Variants in HYKK observed in about 807,000 individuals in gnomAD.
The protein encoded by HYKK is 5-hydroxy-L-lysine kinase.
In HYKK, 19 loss-of-function variants were observed where a neutral mutation model predicts 29.7. That is an observed-to-expected ratio of 0.64 (90% CI 0.45 to 0.94). The LOEUF (loss-of-function observed/expected upper bound fraction) is 0.94. Among genes scored for constraint, HYKK ranks in the 40% least tolerant of loss-of-function variants. The pLI is 0.00. For synonymous variants in HYKK, 152 were observed against 158.1 expected (o/e 0.96, Z 0.29); for missense variants, 390 against 443.4 (o/e 0.88, Z 1.08).
intron 3 of HYKK, among the ~76,000 whole-genome samples, chr15:78,517,544 A>G (rs935779221): frequency 9.9e-5 from 15 of 151,938 alleles, no homozygotes; most frequent in Admixed American, 5.9e-4. Flanking sequence ...GCACCACTGC[A>G]CTCCAATCTG....
intron 1 of HYKK, among the ~76,000 whole-genome samples, chr15:78,511,323 A>AT (rs2052070781): frequency 6.6e-6 from 1 of 152,164 alleles, no homozygotes; most frequent in Non-Finnish European, 1.5e-5. Flanking sequence ...TGTCTTTCAT[A>AT]TGTAGCTGGA....
intron 4 of HYKK, 178 bp downstream of exon 4, chr15:78,527,741 C>T: frequency 7.3e-7 from 1 of 1,371,704 alleles, no homozygotes; most frequent in Non-Finnish European, 9.4e-7. Flanking sequence ...ACATTTGAAG[C>T]CTCCTCTAAA....
Position 78,527,558 on chromosome 15 carries a change from G to T in HYKK, c.656G>T (p.Arg219Leu). 1 of 1,613,138 alleles carries T rather than the reference G, an allele frequency of 6.2e-7. No homozygotes were observed. The highest frequency in any genetic ancestry group is 8.5e-7 in the Non-Finnish European group (1 of 1,179,332). Reference sequence around the variant, plus strand: ...GTAATGACCAAATTAAGTCATTTTCGAGAATGTGAGTATTCTCCCAATTAA... The same window carrying T: ...GTAATGACCAAATTAAGTCATTTTCTAGAATGTGAGTATTCTCCCAATTAA... ...EEVMTKLSHF[R>L]ECINHGDLND... The change falls in exon 4 of 5, where the codon CGA (arginine) becomes CTA (leucine). Residue 219 changes from arginine to leucine, a missense_variant. Physicochemically the swap from Arg to Leu is moderately radical, Grantham distance 102. Transcript: ENST00000388988.
At chr15:78,528,434 A>G in intron 4 of HYKK, 1 of 985,428 alleles carries the variant, frequency 1.0e-6, no homozygotes, top group Non-Finnish European at 1.2e-6. Context: ...CTCCCTGTGT[A>G]CACAGACAGG....
chr15:78,520,395 G>C (rs2052180282), intron 3 of HYKK, among the ~76,000 whole-genome samples: 1 of 152,124 alleles, frequency 6.6e-6, no homozygotes, highest in South Asian at 2.1e-4. Flanking sequence ...GCCTTCCACA[G>C]TGTTTGTGTC....
chr15:78,516,180 T>A (rs978749710), intron 3 of HYKK, among the ~76,000 whole-genome samples: 17 of 152,104 alleles, frequency 1.1e-4, no homozygotes, highest in Non-Finnish European at 8.8e-5. Context: ...AACATCTTCA[T>A]TTATTCAATA....
At chr15:78,527,620 T>A in intron 4 of HYKK, 57 bp downstream of exon 4, 1 of 1,593,124 alleles carries the variant, frequency 6.3e-7, no homozygotes, top group African/African-American at 1.3e-5. Flanking sequence ...CAATTTCATA[T>A]CATCAGAAAA....
rs1250712359 is a variant in HYKK, at chr15:78,535,193, C to T, written c.*1523C>T. On this transcript the variant is annotated 3_prime_UTR_variant, in exon 5 of 5. Transcript: ENST00000388988. ...CTTTCTGTCTACCTACCTAGTCTTC[C>T]CAAACTAGATATTTCTCTAAATTGT... 6.6e-6 allele frequency: 1 copy of T among 152,078 alleles called. No individual in the cohort carries two copies. The highest frequency in any genetic ancestry group is 2.4e-5 in the African/African-American group (1 of 41,382). 9.4% of individuals were successfully genotyped at this position (152,078 alleles called of 1,614,324 possible).
chr15:78,509,938 C>T (rs1393374953), intron 1 of HYKK, among the ~76,000 whole-genome samples: 3 of 152,074 alleles, frequency 2.0e-5, no homozygotes. Context: ...TGATGGAAAC[C>T]GATCAGTGGC....
Position 78,527,517 on chromosome 15 carries a change from T to C in HYKK, c.615T>C (p.His205=). 1 of 1,614,148 alleles carries C rather than the reference T, an allele frequency of 6.2e-7. No individual in the cohort carries two copies. Among genetic ancestry groups the C allele is most frequent in the Non-Finnish European group, 8.5e-7 (1 of 1,180,024 alleles). ...GAGAGATTGTTGAGCATGTCATTCA[T>C]CTGTTCAAGGAGGAAGTAATGACCA... ...RNREIVEHVI[H]LFKEEVMTKL... The change falls in exon 4 of 5, where the codon CAT becomes CAC. Residue 205 remains histidine (H), a synonymous_variant. Transcript: ENST00000388988.
At chr15:78,516,563 T>C (rs1182171426) in intron 3 of HYKK, among the ~76,000 whole-genome samples, 1 of 151,880 alleles carries the variant, frequency 6.6e-6, no homozygotes, top group African/African-American at 2.4e-5. Flanking sequence ...TTGCCCAGGC[T>C]GGTCTCAAAC....
chr15:78,514,036 C>T (rs1431498196), intron 2 of HYKK, among the ~76,000 whole-genome samples: 2 of 152,008 alleles, frequency 1.3e-5, no homozygotes, highest in African/African-American at 4.8e-5. Flanking sequence ...AAGTGATCTG[C>T]CTTCATTGGC....
chr15:78,521,026 A>G (rs771661745), intron 3 of HYKK, among the ~76,000 whole-genome samples: 2 of 152,168 alleles, frequency 1.3e-5, no homozygotes, highest in South Asian at 2.1e-4. Flanking sequence ...TAGTTTTTCT[A>G]TAAGTACTAA....
chr15:78,527,285 CA>C (rs564443255), intron 3 of HYKK, 94 bp from the exon 4 acceptor site: 207,422 of 754,410 alleles, frequency 0.27, 7,420 homozygotes, highest in African/African-American at 0.45. Flanking sequence ...GACTCTGTCT[CA>C]AAAAAAAAAA....
intron 4 of HYKK, chr15:78,528,757 G>GT: frequency 1.6e-6 from 1 of 619,918 alleles, no homozygotes; most frequent in Non-Finnish European, 2.0e-6. Flanking sequence ...GGCCTAGGTT[G>GT]TGCCACTGCA....
intron 1 of HYKK, among the ~76,000 whole-genome samples, chr15:78,510,709 C>G (rs1389625952): frequency 1.3e-5 from 2 of 152,148 alleles, no homozygotes; most frequent in Admixed American, 1.3e-4. Flanking sequence ...CTAAGATCCA[C>G]CTCCTCTGTC....
chr15:78,511,798 G>GT (rs932109665), intron 1 of HYKK, among the ~76,000 whole-genome samples: 1 of 152,072 alleles, frequency 6.6e-6, no homozygotes, highest in African/African-American at 2.4e-5. Flanking sequence ...TTTGGGAGGC[G>GT]TAAGTGGGAG....
At chr15:78,511,845 C>T (rs1248828694) in intron 1 of HYKK, among the ~76,000 whole-genome samples, 1 of 152,160 alleles carries the variant, frequency 6.6e-6, no homozygotes, top group Non-Finnish European at 1.5e-5. Context: ...CCAACCTGGG[C>T]AACAAAGTGA....
chr15:78,513,929 C>CT (rs1490503832), intron 2 of HYKK, among the ~76,000 whole-genome samples: 1 of 152,008 alleles, frequency 6.6e-6, no homozygotes, highest in Non-Finnish European at 1.5e-5. Flanking sequence ...GTAGCTGGGA[C>CT]TACAGGCATG....
Sources: gnomAD v4.1 joint callset for allele counts (sites outside exome capture counted in the v4.1 genomes callset) on GRCh38, gnomAD v4.1.1 for gene constraint, MANE v1.5 for transcripts, NCBI Gene and HGNC (gene_info 2026-07-23, HGNC 2026-07-21) for gene names.